Variants in FILIP1L observed in about 807,000 individuals in gnomAD.
The protein encoded by FILIP1L is filamin A interacting protein 1 like.
Under a neutral mutation model 96.6 loss-of-function variants are expected in FILIP1L, and 55 were observed. The ratio of observed to expected loss-of-function variants is 0.57; its 90% confidence interval spans 0.46 to 0.71. The LOEUF is 0.71. Among genes scored for constraint, FILIP1L ranks in the 30% least tolerant of loss-of-function variants. The pLI is 0.00. For missense variants in FILIP1L, 1,304 were observed against 1,321.2 expected (o/e 0.99, Z 0.20); for synonymous variants, 467 against 473.9 (o/e 0.99, Z 0.19).
chr3:100,072,324 T>G (rs1382556339), intron 1 of FILIP1L, among the ~76,000 whole-genome samples: 1 of 152,214 alleles, frequency 6.6e-6, no homozygotes, highest in Non-Finnish European at 1.5e-5. Context: ...CCCTAGTTCA[T>G]TCTGTGCATT....
At chr3:99,907,096 C>T (rs1321186788) in intron 4 of FILIP1L, among the ~76,000 whole-genome samples, 1 of 152,120 alleles carries the variant, frequency 6.6e-6, no homozygotes, top group Non-Finnish European at 1.5e-5. Context: ...ATTTAGACTT[C>T]AACAAATACA....
chr3:99,994,554 A>G (rs141079328), intron 1 of FILIP1L, among the ~76,000 whole-genome samples: 1 of 152,362 alleles, frequency 6.6e-6, no homozygotes, highest in East Asian at 1.9e-4. Flanking sequence ...CACAATGGAA[A>G]AAGGCTAGAA....
At chr3:99,975,866 C>T (rs1285542233) in intron 1 of FILIP1L, among the ~76,000 whole-genome samples, 1 of 152,138 alleles carries the variant, frequency 6.6e-6, no homozygotes, top group East Asian at 1.9e-4. Context: ...TTTGGGCTAG[C>T]AAGCAAACAG....
At chr3:99,972,499 T>C (rs1176863623) in intron 1 of FILIP1L, among the ~76,000 whole-genome samples, 3 of 152,216 alleles carry the variant, frequency 2.0e-5, no homozygotes, top group Non-Finnish European at 4.4e-5. Context: ...ATTATAATAA[T>C]AACAGATTGG....
intron 1 of FILIP1L, among the ~76,000 whole-genome samples, chr3:100,053,708 G>A (rs1443459430): frequency 6.6e-6 from 1 of 152,072 alleles, no homozygotes; most frequent in Non-Finnish European, 1.5e-5. Context: ...AGCATTTAGG[G>A]GTCTACACTT....
intron 1 of FILIP1L, among the ~76,000 whole-genome samples, chr3:99,940,852 A>G (rs1707829770): frequency 6.6e-6 from 1 of 152,228 alleles, no homozygotes; most frequent in Admixed American, 6.5e-5. Flanking sequence ...AAGAGTTTCC[A>G]TCTTTACATT....
chr3:100,097,107 A>G (rs553940590), intron 1 of FILIP1L, among the ~76,000 whole-genome samples: 42 of 152,326 alleles, frequency 2.8e-4, no homozygotes, highest in African/African-American at 8.9e-4. Flanking sequence ...GATCAGCAGC[A>G]TTAGATTCTC....
intron 1 of FILIP1L, among the ~76,000 whole-genome samples, chr3:100,063,632 T>C (rs1197617826): frequency 6.6e-6 from 1 of 152,238 alleles, no homozygotes; most frequent in Non-Finnish European, 1.5e-5. Flanking sequence ...ATTTTAAGGA[T>C]TATTTTAATC....
chr3:99,888,888 G>C (rs1705996219), intron 4 of FILIP1L, among the ~76,000 whole-genome samples: 1 of 152,026 alleles, frequency 6.6e-6, no homozygotes, highest in Non-Finnish European at 1.5e-5. Flanking sequence ...TTACTTAGTT[G>C]TTTAGAATTG....
chr3:99,990,090 A>G (rs1709468256), intron 1 of FILIP1L, among the ~76,000 whole-genome samples: 1 of 152,196 alleles, frequency 6.6e-6, no homozygotes, highest in Non-Finnish European at 1.5e-5. Flanking sequence ...TGTTTGAGAA[A>G]GAGAAATATA....
intron 4 of FILIP1L, among the ~76,000 whole-genome samples, chr3:99,896,314 A>G (rs1349793574): frequency 6.6e-6 from 1 of 152,224 alleles, no homozygotes; most frequent in Non-Finnish European, 1.5e-5. Flanking sequence ...GGCAAGGGAA[A>G]ATTTGTTGCC....
chr3:99,993,423 A>G (rs1709582105), intron 1 of FILIP1L, among the ~76,000 whole-genome samples: 1 of 152,072 alleles, frequency 6.6e-6, no homozygotes, highest in East Asian at 1.9e-4. Context: ...TCAGCAGCTA[A>G]CAGGAAAAAT....
intron 4 of FILIP1L, chr3:99,876,107 G>A: frequency 1.0e-6 from 1 of 986,588 alleles, no homozygotes; most frequent in African/African-American, 1.7e-5. Flanking sequence ...CGGGGGCCGG[G>A]CCGGGGCCGC....
intron 1 of FILIP1L, among the ~76,000 whole-genome samples, chr3:99,995,499 C>G (rs1055608767): frequency 6.6e-6 from 1 of 152,188 alleles, no homozygotes; most frequent in Non-Finnish European, 1.5e-5. Flanking sequence ...ATTCTGGGGT[C>G]TGGAGGATGG....
chr3:100,109,903 A>ACCCCC (rs35074224), intron 1 of FILIP1L: 1 of 72,322 alleles, frequency 1.4e-5, no homozygotes, highest in African/African-American at 5.7e-5. Context: ...TTCTTTTATG[A>ACCCCC]CCCCCCCCCC....
At chr3:100,080,583 G>A (rs1050957649) in intron 1 of FILIP1L, among the ~76,000 whole-genome samples, 1 of 152,198 alleles carries the variant, frequency 6.6e-6, no homozygotes, top group African/African-American at 2.4e-5. Context: ...TCTCCTGCCA[G>A]TCTCAGAAAG....
chr3:99,973,621 A>G (rs974555105), intron 1 of FILIP1L, among the ~76,000 whole-genome samples: 8 of 152,180 alleles, frequency 5.3e-5, no homozygotes, highest in African/African-American at 1.9e-4. Context: ...CTCACATCCT[A>G]TAGGTAAGTA....
chr3:99,833,015 A>G, intron 5 of FILIP1L: 1 of 538,408 alleles, frequency 1.9e-6, no homozygotes, highest in Non-Finnish European at 3.3e-6. Context: ...TGCATATTGC[A>G]AGAGAAATAC....
At chr3:100,013,718 G>A (rs1288978774) in intron 1 of FILIP1L, among the ~76,000 whole-genome samples, 1 of 152,096 alleles carries the variant, frequency 6.6e-6, no homozygotes, top group African/African-American at 2.4e-5. Context: ...TAAAAATTGT[G>A]TACATTGACT....
Sources: allele counts gnomAD v4.1 joint callset (sites outside exome capture counted in the v4.1 genomes callset), GRCh38; gene constraint gnomAD v4.1.1; transcripts MANE v1.5; gene names NCBI Gene and HGNC (gene_info 2026-07-23, HGNC 2026-07-21).